The following TTC28 variants were observed in gnomAD, a reference collection of about 807,000 sequenced individuals.
TTC28 encodes the protein tetratricopeptide repeat protein 28.
TTC28 carries 61 observed loss-of-function variants against 198.0 expected under a neutral mutation model. The ratio of observed to expected loss-of-function variants is 0.31; its 90% CI spans 0.25 to 0.38. The LOEUF (loss-of-function observed/expected upper bound fraction) is 0.38, where lower values mean the gene tolerates loss of function less well. Ranked by LOEUF, TTC28 falls within the 10% of genes least tolerant of loss-of-function variation. The probability of loss-of-function intolerance (pLI) is 1.00; values close to 1 mark genes in which losing one functional copy is unlikely to be tolerated. For synonymous variants in TTC28, 1,171 were observed against 1,297.8 expected, an observed-to-expected ratio of 0.90 and a Z score of 2.10; for missense variants, 2,678 against 3,164.0, an observed-to-expected ratio of 0.85 and a Z score of 3.69.
intron 2 of TTC28, among the ~76,000 whole-genome samples, chr22:28,588,512 G>A (rs567197209): frequency 2.0e-5 from 3 of 152,182 alleles, no homozygotes; most frequent in Non-Finnish European, 4.4e-5. Flanking sequence ...ACAGAGAAAT[G>A]GGAGAGGAGC....
At chr22:28,341,241 T>C (rs1399460910) in intron 2 of TTC28, among the ~76,000 whole-genome samples, 3 of 152,212 alleles carry the variant, frequency 2.0e-5, no homozygotes, top group Admixed American at 6.5e-5. Context: ...AAGAAAAAAC[T>C]GCTCCATTAA....
At chr22:28,502,882 C>T (rs1212156578) in intron 2 of TTC28, among the ~76,000 whole-genome samples, 1 of 152,130 alleles carries the variant, frequency 6.6e-6, no homozygotes, top group African/African-American at 2.4e-5. Flanking sequence ...TCATCAAATG[C>T]CACACTACCC....
intron 5 of TTC28, among the ~76,000 whole-genome samples, chr22:28,165,314 G>C (rs1166148311): frequency 2.6e-5 from 4 of 152,042 alleles, no homozygotes; most frequent in African/African-American, 9.7e-5. Flanking sequence ...TTCAAATTCA[G>C]GAAATACAGA....
rs1475734302 is a variant in TTC28, at chr22:28,098,874, T to C, written c.3547+41A>G. 3.9e-6 allele frequency: 6 copies of C among 1,548,096 alleles called. No homozygotes were observed. The African/African-American group carries it at 6.8e-5, about 18-fold the overall frequency. On this transcript the variant is annotated intron_variant, in intron 10 of 22. Coordinates refer to ENST00000397906, the MANE Select transcript of TTC28 (RefSeq NM_001145418.2). ...CACATGGACGCGCACCCGTGCGCAC[T>C]AGTGCACACGTAAGCAAGGAGTAAC...
intron 9 of TTC28, among the ~76,000 whole-genome samples, chr22:28,100,968 G>A (rs931722248): frequency 6.6e-6 from 1 of 152,184 alleles, no homozygotes; most frequent in African/African-American, 2.4e-5. Flanking sequence ...TTAAGAAATT[G>A]AGAAATCTAT....
At chr22:28,575,035 A>T (rs577967435) in intron 2 of TTC28, among the ~76,000 whole-genome samples, 139 of 152,220 alleles carry the variant, frequency 9.1e-4, no homozygotes, top group Non-Finnish European at 1.8e-3. Context: ...ACTTGATGTG[A>T]TCCCATTTGT....
At chr22:28,373,628 G>A (rs1229477079) in intron 2 of TTC28, among the ~76,000 whole-genome samples, 1 of 152,044 alleles carries the variant, frequency 6.6e-6, no homozygotes, top group Non-Finnish European at 1.5e-5. Flanking sequence ...TTGTTTAGTA[G>A]GTAATTATGA....
chr22:28,550,213 A>G (rs1487008811), intron 2 of TTC28, among the ~76,000 whole-genome samples: 1 of 152,168 alleles, frequency 6.6e-6, no homozygotes, highest in Non-Finnish European at 1.5e-5. Flanking sequence ...AAATTCTTTA[A>G]AAGAATTTTT....
chr22:28,133,138 G>A lies in TTC28; in HGVS notation c.1442-24735C>T, dbSNP rs373820964. Among the ~76,000 whole-genome samples, 75 of 152,298 alleles carry A rather than the reference G, an allele frequency of 4.9e-4. 3 individuals carry two copies. In the South Asian group the frequency reaches 0.014, roughly 28 times the overall value. On this transcript the variant is annotated intron_variant, in intron 6 of 22. Coordinates refer to ENST00000397906, the MANE Select transcript of TTC28 (RefSeq NM_001145418.2). Reference sequence around the variant, plus strand: ...CTCAGGAGGCTGAGGCAGGAGAATCGCTTGAAACCAGAAGTTGGAGGTTGC... The same window carrying A: ...CTCAGGAGGCTGAGGCAGGAGAATCACTTGAAACCAGAAGTTGGAGGTTGC...
intron 2 of TTC28, among the ~76,000 whole-genome samples, chr22:28,621,951 C>T (rs189213427): frequency 1.8e-3 from 268 of 152,258 alleles, no homozygotes; most frequent in Middle Eastern, 0.01. Flanking sequence ...ATCACTTTTA[C>T]TTCCAGTAGA....
intron 2 of TTC28, among the ~76,000 whole-genome samples, chr22:28,424,699 T>C (rs762110129): frequency 8.5e-4 from 129 of 152,228 alleles, no homozygotes; most frequent in Non-Finnish European, 2.5e-4. Flanking sequence ...CTGGGCTTTA[T>C]TATACCAAAC....
intron 2 of TTC28, among the ~76,000 whole-genome samples, chr22:28,483,970 T>G (rs975880972): frequency 6.6e-6 from 1 of 152,184 alleles, no homozygotes; most frequent in Non-Finnish European, 1.5e-5. Context: ...GGTAAGAGGG[T>G]TGCATTTTTT....
In TTC28 at chr22:28,177,098, G is replaced by A. The variant is rs139442634; in HGVS notation, c.934-13499C>T. 3.4e-4 allele frequency among the ~76,000 whole-genome samples: 52 copies of A among 152,120 alleles called. No individual in the cohort carries two copies. In the East Asian group the frequency reaches 6.2e-3, roughly 18 times the overall value. On this transcript the variant is annotated intron_variant, in intron 5 of 22. Transcript: ENST00000397906. ...GAGAATGAAAAGTCAAGTCACAGAC[G>A]GCGAGAAAACATTTGCAAAACACAT...
intron 2 of TTC28, among the ~76,000 whole-genome samples, chr22:28,316,713 G>T (rs1231424746): frequency 6.6e-6 from 1 of 151,954 alleles, no homozygotes; most frequent in East Asian, 1.9e-4. Context: ...TATTGTTTTT[G>T]AAAGTTCAGT....
intron 2 of TTC28, among the ~76,000 whole-genome samples, chr22:28,314,811 C>A (rs900989420): frequency 6.6e-6 from 1 of 151,926 alleles, no homozygotes; most frequent in African/African-American, 2.4e-5. Context: ...AGTTCAAAGC[C>A]GTAGTGAGCT....
intron 5 of TTC28, among the ~76,000 whole-genome samples, chr22:28,293,105 G>C (rs908558106): frequency 6.6e-6 from 1 of 152,070 alleles, no homozygotes; most frequent in African/African-American, 2.4e-5. Flanking sequence ...GTAAAACATG[G>C]GCAGGTAAGA....
chr22:28,083,406 A>T (rs1941438093), intron 12 of TTC28, among the ~76,000 whole-genome samples: 1 of 152,220 alleles, frequency 6.6e-6, no homozygotes, highest in African/African-American at 2.4e-5. Flanking sequence ...ACAGGCTCTG[A>T]CACTGGGGTT....
intron 2 of TTC28, among the ~76,000 whole-genome samples, chr22:28,515,454 C>G (rs541925825): frequency 6.6e-6 from 1 of 152,166 alleles, no homozygotes; most frequent in African/African-American, 2.4e-5. Flanking sequence ...TATAGGAAAA[C>G]CAAAATTAAA....
intron 12 of TTC28, among the ~76,000 whole-genome samples, chr22:28,086,922 A>G (rs1277732108): frequency 2.0e-5 from 3 of 152,186 alleles, no homozygotes; most frequent in African/African-American, 7.2e-5. Context: ...AGAAATGGAT[A>G]AATTCCTCGA....
Sources: gnomAD v4.1 joint callset for allele counts (sites outside exome capture counted in the v4.1 genomes callset) on GRCh38, gnomAD v4.1.1 for gene constraint, MANE v1.5 for transcripts, NCBI Gene and HGNC (gene_info 2026-07-23, HGNC 2026-07-21) for gene names.